Variants in AASS observed in about 807,000 individuals in gnomAD.
The protein encoded by AASS is aminoadipate-semialdehyde synthase.
AASS carries 86 observed loss-of-function variants against 105.4 expected under a neutral mutation model. The ratio of observed to expected loss-of-function variants is 0.82; its 90% CI spans 0.69 to 0.98. The LOEUF is 0.98. Among genes scored for constraint, AASS ranks in the 50% least tolerant of loss-of-function variants. AASS has a pLI of 0.00. For synonymous variants in AASS, 381 were observed against 394.8 expected (o/e 0.96, Z 0.41); for missense variants, 1,048 against 1,143.2 (o/e 0.92, Z 1.20).
intron 7 of AASS, 21 bp downstream of exon 7, chr7:122,116,854 AAGTT>A (rs768007695): frequency 1.1e-4 from 175 of 1,612,260 alleles, no homozygotes; most frequent in Non-Finnish European, 1.4e-4. Flanking sequence ...AAAACATTAA[AAGTT>A]AGTCATCTCC....
chr7:122,134,124 G>T (rs927796120), intron 1 of AASS, among the ~76,000 whole-genome samples: 1 of 152,104 alleles, frequency 6.6e-6, no homozygotes, highest in Non-Finnish European at 1.5e-5. Flanking sequence ...AAATTTTGAT[G>T]GCGTAAAGTT....
At chr7:122,092,254 C>G (rs181773062) in intron 17 of AASS, among the ~76,000 whole-genome samples, 2 of 151,910 alleles carry the variant, frequency 1.3e-5, no homozygotes, top group Admixed American at 6.6e-5. Flanking sequence ...GCCAAAGGTA[C>G]TATTTCATAA....
intron 11 of AASS, among the ~76,000 whole-genome samples, chr7:122,112,686 T>C (rs1794992860): frequency 6.6e-6 from 1 of 152,172 alleles, no homozygotes; most frequent in Admixed American, 6.5e-5. Flanking sequence ...GAAAAATACA[T>C]GACCTCAACA....
At chr7:122,105,264 AC>A (rs1235303089) in intron 11 of AASS, among the ~76,000 whole-genome samples, 1 of 152,066 alleles carries the variant, frequency 6.6e-6, no homozygotes, top group Admixed American at 6.6e-5. Context: ...AAAAATAGAT[AC>A]CAAAACAATA....
intron 15 of AASS, among the ~76,000 whole-genome samples, chr7:122,095,225 G>A (rs1794094110): frequency 6.6e-6 from 1 of 152,080 alleles, no homozygotes; most frequent in East Asian, 2.0e-4. Context: ...CTATCAAAAT[G>A]GCTAAAAATC....
Position 122,093,134 on chromosome 7 carries a change from A to G in AASS, c.1680T>C (p.Pro560=). The G allele has an allele frequency of 6.2e-7, 1 of 1,613,850 alleles. No individual in the cohort carries two copies. Residue 560 remains proline (P), a synonymous_variant, in exon 16 of 24, where the codon CCT becomes CCC. Coordinates refer to ENST00000417368, the MANE Select transcript of AASS (RefSeq NM_005763.4). ...TTGTGATGCAGGCCTTGGCCACAAGAGGGTGCAATACATAAGGCAACAAGC... is the reference window on the plus strand; with the variant it reads ...TTGTGATGCAGGCCTTGGCCACAAGGGGGTGCAATACATAAGGCAACAAGC... The part of the protein sequence containing the change: ...VISLLPYVLH[P]LVAKACITNK...
At position 122,116,538 on chromosome 7, in the gene AASS, A is replaced by G. The variant is rs530612309; in HGVS notation, c.894+95T>C. 2.6e-5 allele frequency: 39 copies of G among 1,515,788 alleles called. No homozygotes were observed. The South Asian group carries it at 4.1e-4, about 16-fold the overall frequency. The allele number at this position is 1,515,788 out of a possible 1,614,324, so 93.9% of individuals were successfully genotyped here. On this transcript the variant is annotated intron_variant, in intron 8 of 23. Coordinates refer to ENST00000417368, the MANE Select transcript of AASS (RefSeq NM_005763.4). ...CAAAGGACTCACAACAGGAAAACTG[A>G]AAGCCATTGTACAATTCATAATTTC...
In AASS at chr7:122,116,877, A is replaced by C; in HGVS notation, c.766+2T>G. 1 of 1,613,892 alleles carries C rather than the reference A, an allele frequency of 6.2e-7. No individual in the cohort carries two copies. The highest frequency in any genetic ancestry group is 2.2e-5 in the East Asian group (1 of 44,864). ...AAAAGTTAGTCATCTCCTGTCCCTT[A>C]CCTCCAGTTTGGGAAACTTCTTTTA... is the stretch of plus-strand genomic sequence containing the variant. On this transcript the variant is annotated splice_donor_variant, in intron 7 of 23. Coordinates refer to ENST00000417368, the MANE Select transcript of AASS (RefSeq NM_005763.4). LOFTEE classifies it high-confidence loss of function.
intron 15 of AASS, among the ~76,000 whole-genome samples, chr7:122,095,677 A>G (rs1310622606): frequency 1.3e-5 from 2 of 151,848 alleles, no homozygotes; most frequent in East Asian, 3.9e-4. Context: ...ATAATGCAGA[A>G]TAAAATTGTG....
intron 4 of AASS, among the ~76,000 whole-genome samples, chr7:122,121,853 C>T (rs893403882): frequency 2.2e-4 from 33 of 151,836 alleles, no homozygotes; most frequent in African/African-American, 7.0e-4. Flanking sequence ...TTTCATTTGA[C>T]CAGAAAATCT....
chr7:122,134,746 A>C (rs1267123745), intron 1 of AASS, among the ~76,000 whole-genome samples: 7 of 132,838 alleles, frequency 5.3e-5, no homozygotes, highest in South Asian at 2.7e-4. Context: ...AACTAGAAAT[A>C]CCATTTGACC....
chr7:122,112,633 T>A (rs1192709997), intron 11 of AASS, among the ~76,000 whole-genome samples: 1 of 152,120 alleles, frequency 6.6e-6, no homozygotes, highest in African/African-American at 2.4e-5. Context: ...AAAATGGAAT[T>A]TAGATAACAT....
rs1300869370 is a variant in AASS at position 122,081,587 on chromosome 7, C to T, written c.2193G>A (p.Met731Ile). 2.5e-6 allele frequency: 4 copies of T among 1,610,686 alleles called. No homozygotes were observed. In the South Asian group the frequency reaches 3.3e-5, roughly 13 times the overall value. ...LRGTLRYKGYMKALNGFVKLG... is the reference protein window; with the variant it reads ...LRGTLRYKGYIKALNGFVKLG... ...ATTTTACAAATCCATTCAAAGCTTT[C>T]ATATATCCCTGAAACAAGAATTAAT... The change falls in exon 20 of 24, where the codon ATG (methionine) becomes ATA (isoleucine). Residue 731 changes from methionine (M) to isoleucine (I), a missense_variant. Transcript: ENST00000417368.
chr7:122,101,765 CA>C (rs1370793535), intron 11 of AASS, 85 bp from the exon 12 acceptor site: 20 of 1,018,848 alleles, frequency 2.0e-5, no homozygotes, highest in Non-Finnish European at 3.0e-5. Flanking sequence ...AAATATTAAT[CA>C]AGGGAAAAAA....
chr7:122,088,418 G>C (rs1450456633), intron 18 of AASS, among the ~76,000 whole-genome samples: 1 of 152,052 alleles, frequency 6.6e-6, no homozygotes, highest in Non-Finnish European at 1.5e-5. Flanking sequence ...ATTTTTCAGA[G>C]GTGAAAACTG....
chr7:122,109,496 T>A (rs972298805), intron 11 of AASS, among the ~76,000 whole-genome samples: 1 of 151,774 alleles, frequency 6.6e-6, no homozygotes, highest in African/African-American at 2.4e-5. Context: ...AAGAAATCCA[T>A]GCATCTATAT....
chr7:122,103,718 CTGGT>C (rs1199479162), intron 11 of AASS, among the ~76,000 whole-genome samples: 2 of 151,790 alleles, frequency 1.3e-5, no homozygotes, highest in Admixed American at 1.3e-4. Context: ...AAAATATTAA[CTGGT>C]TGCACCCAAC....
At position 122,113,373 on chromosome 7, in the gene AASS, CA is replaced by C. The variant is rs1300429044; in HGVS notation, c.1167-145del. Reference sequence around the variant, plus strand: ...ATACGCGAAAATAAACAAAACTTTTCAAACAAAACGTTTTCCTTCTTCAGCA... The same window carrying C: ...ATACGCGAAAATAAACAAAACTTTTCAACAAAACGTTTTCCTTCTTCAGCA... On this transcript the variant is annotated intron_variant, in intron 10 of 23. Transcript: ENST00000417368. 9.0e-6 allele frequency: 9 copies of C among 1,000,766 alleles called. No homozygotes were observed. The African/African-American group carries it at 1.5e-4, about 16-fold the overall frequency. 62.0% of individuals were successfully genotyped at this position (1,000,766 alleles called of 1,614,324 possible).
chr7:122,112,280 C>T (rs1017247934), intron 11 of AASS, among the ~76,000 whole-genome samples: 28 of 152,192 alleles, frequency 1.8e-4, no homozygotes, highest in Admixed American at 1.6e-3. Context: ...CTAGTAGGTG[C>T]AATATCATGT....
Sources: allele counts gnomAD v4.1 joint callset (sites outside exome capture counted in the v4.1 genomes callset), GRCh38; gene constraint gnomAD v4.1.1; transcripts MANE v1.5; gene names NCBI Gene and HGNC (gene_info 2026-07-23, HGNC 2026-07-21).